The following CLEC18A variants were observed in gnomAD, a reference collection of about 807,000 sequenced individuals.
CLEC18A encodes C-type lectin domain family 18 member A, also known as mannose receptor-like 1.
A neutral mutation model predicts 24.0 loss-of-function variants in CLEC18A; 5 were observed. That is an observed-to-expected ratio of 0.21 (90% CI 0.11 to 0.44). The LOEUF is 0.44. Among genes scored for constraint, CLEC18A ranks in the 20% least tolerant of loss-of-function variants. The pLI is 0.99. For missense variants in CLEC18A, 83 were observed against 233.4 expected (o/e 0.36, Z 4.20); for synonymous variants, 29 against 100.1 (o/e 0.29, Z 4.24).
At chr16:69,944,651 A>G in the CLEC18A span, among the ~76,000 whole-genome samples, 1 of 151,790 alleles carries the variant, frequency 6.6e-6, no homozygotes, top group African/African-American at 2.4e-5. Context: ...CCTGGCTCAC[A>G]CAGTGAAACC....
At chr16:69,946,441 A>G (rs1281416441), upstream of CLEC18A, among the ~76,000 whole-genome samples, 3 of 121,272 alleles carry the variant, frequency 2.5e-5, no homozygotes, top group African/African-American at 9.5e-5. Flanking sequence ...TCTGTCGCCT[A>G]GTCTGGAGTG....
chr16:69,963,502 A>G, intron 11 of CLEC18A, 72 bp from the exon 12 acceptor site: 4 of 1,609,242 alleles, frequency 2.5e-6, no homozygotes, highest in Non-Finnish European at 3.4e-6. Context: ...TTCCAGACCG[A>G]GTGCAGCAGG....
chr16:69,956,053 C>A (rs1423985755), intron 3 of CLEC18A, among the ~76,000 whole-genome samples: 1 of 152,112 alleles, frequency 6.6e-6, no homozygotes, highest in Non-Finnish European at 1.5e-5. Context: ...CGAGATCAGC[C>A]TGGGCCACAT....
chr16:69,945,154 G>C, the CLEC18A span, among the ~76,000 whole-genome samples: 8 of 148,756 alleles, frequency 5.4e-5, no homozygotes, highest in African/African-American at 2.1e-4. Context: ...GCTGGGTATG[G>C]TGGCACGTGC....
chr16:69,955,968 G>A (rs1217247626), intron 3 of CLEC18A, among the ~76,000 whole-genome samples: 3 of 152,002 alleles, frequency 2.0e-5, no homozygotes, highest in Non-Finnish European at 4.4e-5. Context: ...ACACAAGGCT[G>A]GGTGCGGTGG....
chr16:69,946,016 C>T (rs1351024747), upstream of CLEC18A, among the ~76,000 whole-genome samples: 3 of 144,602 alleles, frequency 2.1e-5, no homozygotes, highest in Admixed American at 7.2e-5. Flanking sequence ...TCACTTAAAC[C>T]GAAGGGGTGG....
chr16:69,954,144 A>G (rs1055343770), intron 2 of CLEC18A, among the ~76,000 whole-genome samples, 190 bp from the exon 3 acceptor site: 3 of 141,972 alleles, frequency 2.1e-5, no homozygotes, highest in Admixed American at 1.4e-4. Context: ...TCGTGAGAGG[A>G]GCTGGGCTCC....
At chr16:69,943,590 T>C in the CLEC18A span, among the ~76,000 whole-genome samples, 1 of 152,210 alleles carries the variant, frequency 6.6e-6, no homozygotes, top group Non-Finnish European at 1.5e-5. Flanking sequence ...TAACATAATG[T>C]CCTCGTTGTG....
At chr16:69,947,757 C>T (rs1322705783), upstream of CLEC18A, among the ~76,000 whole-genome samples, 3 of 60,498 alleles carry the variant, frequency 5.0e-5, no homozygotes, top group African/African-American at 1.4e-4. Flanking sequence ...TTCTGTTGCC[C>T]AGGCTGGAGT....
downstream of CLEC18A, among the ~76,000 whole-genome samples, chr16:69,965,329 C>A (rs1207050720): frequency 3.3e-5 from 5 of 151,980 alleles, no homozygotes; most frequent in Non-Finnish European, 7.3e-5. Context: ...CGGGAGGGCC[C>A]GCTCTCCGGC....
rs781667120 is a variant in CLEC18A, at chr16:69,951,486, C to A, written c.120C>A (p.Ala40=). The change falls in exon 1 of 12, where the codon GCC becomes GCA. Residue 40 remains alanine (A), a synonymous_variant. Coordinates refer to ENST00000288040, the MANE Select transcript of CLEC18A (RefSeq NM_001370523.4). The stretch of plus-strand genomic sequence containing the variant: ...AGCTGCAGGAGCAGGCTCCGATGGC[C>A]GGAGGTAAGGGACACCTGGTGAGGA... The part of the protein sequence containing the change: ...PPQLQEQAPM[A]GALNRKESFL... 1.9e-6 allele frequency: 3 copies of A among 1,611,546 alleles called. No individual in the cohort carries two copies. The African/African-American group carries it at 4.0e-5, about 22-fold the overall frequency.
rs561958087 is a variant in CLEC18A at position 69,952,378 on chromosome 16, G to A, written c.216+252G>A. On this transcript the variant is annotated intron_variant, in intron 2 of 11. Coordinates refer to ENST00000288040, the MANE Select transcript of CLEC18A (RefSeq NM_001370523.4). ...ACTCGCCTGAAGGGCAGGACCTTGGGCCTTCCCTGGCATCTTGTTGTCACA... is the reference window on the plus strand; with the variant it reads ...ACTCGCCTGAAGGGCAGGACCTTGGACCTTCCCTGGCATCTTGTTGTCACA... 1.6e-3 allele frequency: 494 copies of A among 311,000 alleles called. 1 individual carries two copies. Among genetic ancestry groups the A allele is most frequent in the Admixed American group, 4.2e-3 (86 of 20,568 alleles). The allele number at this position is 311,000 out of a possible 1,614,324, so 19.3% of individuals were successfully genotyped here. A position where few individuals can be genotyped will look rare whatever the true frequency, so the allele number is the denominator to read the frequency against.
chr16:69,954,795 T>C (rs1355884748), intron 3 of CLEC18A, among the ~76,000 whole-genome samples: 3 of 151,964 alleles, frequency 2.0e-5, no homozygotes, highest in Middle Eastern at 3.2e-3. Flanking sequence ...CCTCCTGGGC[T>C]CAAGTGATTC....
At chr16:69,946,812 G>C (rs1035876794), upstream of CLEC18A, among the ~76,000 whole-genome samples, 1 of 66,212 alleles carries the variant, frequency 1.5e-5, no homozygotes, top group African/African-American at 1.0e-4. Context: ...CTTTATTCTA[G>C]TAGGGTTTTT....
chr16:69,965,494 G>C (rs1220261256), downstream of CLEC18A, among the ~76,000 whole-genome samples: 1 of 151,454 alleles, frequency 6.6e-6, no homozygotes, highest in Admixed American at 6.6e-5. Flanking sequence ...CCCGAGGCCG[G>C]GGGGCGGTGG....
chr16:69,955,246 G>A (rs1354036319), intron 3 of CLEC18A, among the ~76,000 whole-genome samples: 2 of 145,234 alleles, frequency 1.4e-5, no homozygotes, highest in African/African-American at 5.2e-5. Context: ...CAAATGATCT[G>A]CCTGCCTCAG....
At chr16:69,944,147 T>G in the CLEC18A span, among the ~76,000 whole-genome samples, 1 of 133,530 alleles carries the variant, frequency 7.5e-6, no homozygotes, top group African/African-American at 2.5e-5. Flanking sequence ...AATACAAAAA[T>G]TAGCCGGGTG....
At chr16:69,944,343 A>G in the CLEC18A span, among the ~76,000 whole-genome samples, 2 of 152,044 alleles carry the variant, frequency 1.3e-5, no homozygotes, top group African/African-American at 2.4e-5. Flanking sequence ...AGCTCTTGGC[A>G]TGTTCTTTTC....
At chr16:69,944,272 G>A in the CLEC18A span, among the ~76,000 whole-genome samples, 25 of 148,820 alleles carry the variant, frequency 1.7e-4, no homozygotes, top group East Asian at 4.9e-3. Context: ...CTCCAGCCTG[G>A]GCAACAGATC....
Sources: gnomAD v4.1 joint callset for allele counts (sites outside exome capture counted in the v4.1 genomes callset) on GRCh38, gnomAD v4.1.1 for gene constraint, MANE v1.5 for transcripts, NCBI Gene and HGNC (gene_info 2026-07-23, HGNC 2026-07-21) for gene names.